The following RIMS1 variants were observed in gnomAD, a reference collection of about 807,000 sequenced individuals.
The protein encoded by RIMS1 is regulating synaptic membrane exocytosis 1, also known as regulating synaptic membrane exocytosis protein 1.
A neutral mutation model predicts 214.1 loss-of-function variants in RIMS1; 83 were observed. The ratio of observed to expected loss-of-function variants is 0.39; its 90% CI spans 0.32 to 0.47. The LOEUF (loss-of-function observed/expected upper bound fraction) is 0.47, where lower values mean the gene tolerates loss of function less well. RIMS1 is among the 20% of genes least tolerant of loss of function. RIMS1 has a pLI of 0.99. For synonymous variants in RIMS1, 793 were observed against 786.8 expected (o/e 1.01, Z -0.13); for missense variants, 2,050 against 2,161.8 (o/e 0.95, Z 1.03).
At chr6:72,242,542 T>C (rs1305690098) in intron 10 of RIMS1, 105 bp downstream of exon 10, 6 of 782,564 alleles carry the variant, frequency 7.7e-6, no homozygotes, top group Non-Finnish European at 1.2e-5. Context: ...ACATGGATAG[T>C]TTTTGCATCA....
At chr6:71,945,048 C>A (rs1787375288) in intron 1 of RIMS1, among the ~76,000 whole-genome samples, 1 of 152,142 alleles carries the variant, frequency 6.6e-6, no homozygotes, top group African/African-American at 2.4e-5. Flanking sequence ...TCTAAATTAT[C>A]TCCTGTACTA....
At chr6:72,238,208 C>T (rs1443480439) in intron 9 of RIMS1, among the ~76,000 whole-genome samples, 1 of 151,910 alleles carries the variant, frequency 6.6e-6, no homozygotes, top group African/African-American at 2.4e-5. Context: ...AGAAGAATTA[C>T]TCATCTTTGT....
intron 1 of RIMS1, among the ~76,000 whole-genome samples, chr6:71,889,729 C>T (rs975012538): frequency 1.3e-5 from 2 of 152,122 alleles, no homozygotes; most frequent in Admixed American, 6.5e-5. Context: ...TATATGAGGA[C>T]ATAATGACAC....
intron 1 of RIMS1, among the ~76,000 whole-genome samples, chr6:71,898,471 T>C (rs1439600434): frequency 3.3e-5 from 5 of 152,190 alleles, no homozygotes; most frequent in Admixed American, 6.5e-5. Flanking sequence ...CATCAAGTGC[T>C]GTTGAACTAA....
At chr6:71,888,386 A>G (rs775392478) in intron 1 of RIMS1, among the ~76,000 whole-genome samples, 1 of 152,154 alleles carries the variant, frequency 6.6e-6, no homozygotes, top group African/African-American at 2.4e-5. Flanking sequence ...TGAAGAGCCA[A>G]AAGGAACCTG....
intron 29 of RIMS1, among the ~76,000 whole-genome samples, chr6:72,336,086 A>G (rs1033074327): frequency 1.3e-5 from 2 of 151,838 alleles, no homozygotes; most frequent in Non-Finnish European, 2.9e-5. Context: ...TGGAAACGTT[A>G]TTTGATGTCC....
At chr6:72,018,721 C>G (rs190899254) in intron 2 of RIMS1, among the ~76,000 whole-genome samples, 1 of 152,158 alleles carries the variant, frequency 6.6e-6, no homozygotes, top group East Asian at 1.9e-4. Context: ...AGTGTAGTAA[C>G]CTGGAAGCCA....
intron 4 of RIMS1, among the ~76,000 whole-genome samples, chr6:72,139,023 C>A (rs2041745590): frequency 6.6e-6 from 1 of 152,116 alleles, no homozygotes; most frequent in South Asian, 2.1e-4. Flanking sequence ...CCTATAAACA[C>A]AAACATAAAT....
chr6:72,002,891 G>A (rs921136948), intron 2 of RIMS1, among the ~76,000 whole-genome samples: 1 of 152,192 alleles, frequency 6.6e-6, no homozygotes, highest in African/African-American at 2.4e-5. Context: ...TAAAGACTCA[G>A]TGGAGTAATT....
At chr6:72,209,084 T>C (rs557309932) in intron 6 of RIMS1, among the ~76,000 whole-genome samples, 7 of 152,344 alleles carry the variant, frequency 4.6e-5, no homozygotes, top group South Asian at 2.1e-4. Flanking sequence ...ATAGAATTCA[T>C]TGGATACTCA....
chr6:72,021,688 A>G (rs1180778795), intron 2 of RIMS1, among the ~76,000 whole-genome samples: 2 of 152,128 alleles, frequency 1.3e-5, no homozygotes, highest in Admixed American at 6.6e-5. Context: ...CTAACAAGGT[A>G]TAGTAGGAAT....
rs1448923152 is a variant in RIMS1 at position 71,962,421 on chromosome 6, A to G, written c.165-6562A>G. The stretch of plus-strand genomic sequence containing the variant: ...TCCCTTGCCTTATAACTAGGAACCT[A>G]CTGCACCTATCTTCCATGCCTTTTG... On this transcript the variant is annotated intron_variant, in intron 1 of 33. Coordinates refer to ENST00000521978, the MANE Select transcript of RIMS1 (RefSeq NM_014989.7). Among the ~76,000 whole-genome samples, 117 of 152,144 alleles carry G rather than the reference A, an allele frequency of 7.7e-4. 1 individual carries two copies. The highest frequency in any genetic ancestry group is 1.6e-4 in the Non-Finnish European group (11 of 68,008).
At chr6:72,219,163 C>A (rs2057468031) in intron 6 of RIMS1, among the ~76,000 whole-genome samples, 2 of 152,072 alleles carry the variant, frequency 1.3e-5, no homozygotes, top group Non-Finnish European at 2.9e-5. Context: ...CAAATGCTTG[C>A]CATTCTCAAT....
rs979966303 is a variant in RIMS1, at chr6:72,401,951, A to G, written c.*1237A>G. On this transcript the variant is annotated 3_prime_UTR_variant, in exon 34 of 34. Transcript: ENST00000521978. ...ATCTTACTTTTTGGGGGGAAAATAA[A>G]CAAAATGAACTTTCAATTTGCATTT... is the stretch of plus-strand genomic sequence containing the variant. 2.6e-5 allele frequency: 4 copies of G among 152,664 alleles called. No homozygotes were observed. Among genetic ancestry groups the G allele is most frequent in the African/African-American group, 4.8e-5 (2 of 41,466 alleles). 9.5% of individuals were successfully genotyped at this position (152,664 alleles called of 1,614,324 possible).
At chr6:72,103,532 A>C (rs1324671115) in intron 4 of RIMS1, among the ~76,000 whole-genome samples, 1 of 152,130 alleles carries the variant, frequency 6.6e-6, no homozygotes, top group Non-Finnish European at 1.5e-5. Flanking sequence ...GGACTATGGG[A>C]GCTGCTCAAG....
At chr6:72,265,735 T>C (rs2080221477) in intron 21 of RIMS1, among the ~76,000 whole-genome samples, 1 of 152,192 alleles carries the variant, frequency 6.6e-6, no homozygotes, top group Admixed American at 6.6e-5. Context: ...TTTTAAAAAT[T>C]ATGCAAAGCA....
chr6:72,239,640 C>T (rs896795030), intron 9 of RIMS1, among the ~76,000 whole-genome samples: 2 of 152,118 alleles, frequency 1.3e-5, no homozygotes, highest in African/African-American at 4.8e-5. Context: ...TATCTTTATC[C>T]AGTCCTGCCC....
In RIMS1 at chr6:71,887,098, G is replaced by A. The variant is rs1479209891; in HGVS notation, c.75G>A (p.Leu25=). ...CCCCCATGCAAGAGCTGCCCGACCTGAGCCACCTGACCGAAGAGGAGAGGA... is the reference window on the plus strand; with the variant it reads ...CCCCCATGCAAGAGCTGCCCGACCTAAGCCACCTGACCGAAGAGGAGAGGA... ...VPPPMQELPD[L]SHLTEEERNI... Residue 25 remains leucine (L), a synonymous_variant, in exon 1 of 34, where the codon CTG becomes CTA. Coordinates refer to ENST00000521978, the MANE Select transcript of RIMS1 (RefSeq NM_014989.7). 1 of 1,613,668 alleles carries A rather than the reference G, an allele frequency of 6.2e-7. No individual in the cohort carries two copies. Among genetic ancestry groups the A allele is most frequent in the South Asian group, 1.1e-5 (1 of 90,962 alleles).
intron 6 of RIMS1, among the ~76,000 whole-genome samples, chr6:72,231,357 A>ACTT (rs1194549920): frequency 2.4e-4 from 37 of 151,400 alleles, no homozygotes; most frequent in Non-Finnish European, 3.1e-4. Context: ...GTGATAAGAA[A>ACTT]ACTATTAGCC....
Sources: gnomAD v4.1 joint callset for allele counts (sites outside exome capture counted in the v4.1 genomes callset) on GRCh38, gnomAD v4.1.1 for gene constraint, MANE v1.5 for transcripts, NCBI Gene and HGNC (gene_info 2026-07-23, HGNC 2026-07-21) for gene names.